Variants in DCDC2C observed in about 807,000 individuals in gnomAD.
The protein encoded by DCDC2C is doublecortin domain containing 2C, also known as doublecortin domain-containing protein 2C.
DCDC2C carries 44 observed loss-of-function variants against 45.0 expected under a neutral mutation model. The ratio of observed to expected loss-of-function variants is 0.98; its 90% CI spans 0.77 to 1.26. DCDC2C has a LOEUF of 1.26. DCDC2C is among the 50% of genes most tolerant of loss of function. DCDC2C has a pLI of 0.00. For synonymous variants in DCDC2C, 187 were observed against 178.8 expected, an observed-to-expected ratio of 1.05 and a Z score of -0.37; for missense variants, 447 against 468.9, an observed-to-expected ratio of 0.95 and a Z score of 0.43.
rs186197807 is a variant in DCDC2C at position 3,817,822 on chromosome 2, A to G, written c.1066-29332A>G. 1.8e-4 allele frequency among the ~76,000 whole-genome samples: 27 copies of G among 152,302 alleles called. No homozygotes were observed. In the East Asian group the frequency reaches 4.8e-3, roughly 27 times the overall value. On this transcript the variant is annotated intron_variant, in intron 10 of 10. Coordinates refer to ENST00000399143, the MANE Select transcript of DCDC2C (RefSeq NM_001287444.2). ...ACAGAAAGGAGTGGCTAAAGGATTT[A>G]GGATCTATGGGGTCAGCTAGGTTTC...
In DCDC2C at chr2:3,810,460, A is replaced by G. The variant is rs1184371965; in HGVS notation, c.1065+25360A>G. Among the ~76,000 whole-genome samples, 3 of 152,290 alleles carry G rather than the reference A, an allele frequency of 2.0e-5. No individual in the cohort carries two copies. In the East Asian group the frequency reaches 5.8e-4, roughly 29 times the overall value. ...TGTTTTTTTCTTGTAAATTTGTTTA[A>G]GTCCTTGTAAATTCTGGATATTAGA... is the stretch of plus-strand genomic sequence containing the variant. On this transcript the variant is annotated intron_variant, in intron 10 of 10. Transcript: ENST00000399143.
In DCDC2C at chr2:3,708,541, T is replaced by C; in HGVS notation, c.288-8T>C. 1 of 1,537,358 alleles carries C rather than the reference T, an allele frequency of 6.5e-7. No homozygotes were observed. The highest frequency in any genetic ancestry group is 8.8e-7 in the Non-Finnish European group (1 of 1,140,026). On this transcript the variant is annotated splice_region_variant and splice_polypyrimidine_tract_variant and intron_variant, in intron 1 of 10. Transcript: ENST00000399143. ...TCTAATGATGTTTTCTTCTTTCTTC[T>C]TTTGCAGTTATATTCATATAGTTCC...
intron 10 of DCDC2C, among the ~76,000 whole-genome samples, chr2:3,825,729 G>C (rs1453285599): frequency 6.6e-6 from 1 of 152,096 alleles, no homozygotes; most frequent in Non-Finnish European, 1.5e-5. Flanking sequence ...GGGATCCTGG[G>C]GGCTTCATAT....
chr2:3,795,466 G>A (rs1354237224), intron 10 of DCDC2C, among the ~76,000 whole-genome samples: 1 of 128,206 alleles, frequency 7.8e-6, no homozygotes, highest in African/African-American at 3.0e-5. Flanking sequence ...GAATGGTAAT[G>A]CCTAGGTTTT....
intron 2 of DCDC2C, among the ~76,000 whole-genome samples, chr2:3,720,041 C>G (rs1039518295): frequency 3.3e-5 from 5 of 152,222 alleles, no homozygotes; most frequent in Admixed American, 2.0e-4. Flanking sequence ...CCATCATCCT[C>G]AAAGCACCTG....
intron 4 of DCDC2C, chr2:3,752,498 C>T (rs568261270): frequency 4.0e-6 from 2 of 503,150 alleles, no homozygotes; most frequent in Admixed American, 5.7e-5. Flanking sequence ...AAGAGTGTAA[C>T]ATGGTTCTCA....
intron 2 of DCDC2C, among the ~76,000 whole-genome samples, chr2:3,716,940 C>A (rs918192660): frequency 1.3e-5 from 2 of 152,158 alleles, no homozygotes; most frequent in Admixed American, 6.5e-5. Context: ...ACCCATCCAT[C>A]AGGTGGTGAA....
chr2:3,786,708 G>A (rs1024826968), intron 10 of DCDC2C, among the ~76,000 whole-genome samples: 1 of 151,950 alleles, frequency 6.6e-6, no homozygotes, highest in African/African-American at 2.4e-5. Flanking sequence ...GGTGTGTCCC[G>A]CCTGTGCACG....
In DCDC2C at chr2:3,734,412, A is replaced by G. The variant is rs753400573; in HGVS notation, c.416+7333A>G. On this transcript the variant is annotated intron_variant, in intron 3 of 10. Transcript: ENST00000399143. This position sits in a 1 kb window ranked among gnomAD's most constrained non-coding sequence, Gnocchi z 4.2. ...GATGAATCTAATCTAGGATGAGACA[A>G]TCATCTGATGTTGGTGACACGGGTG... is the stretch of plus-strand genomic sequence containing the variant. 2.0e-5 allele frequency among the ~76,000 whole-genome samples: 3 copies of G among 152,188 alleles called. No homozygotes were observed. Among genetic ancestry groups the G allele is most frequent in the Non-Finnish European group, 4.4e-5 (3 of 68,034 alleles).
intron 4 of DCDC2C, among the ~76,000 whole-genome samples, chr2:3,747,280 G>C: frequency 6.6e-6 from 1 of 152,134 alleles, no homozygotes. Context: ...CTGCATCGTG[G>C]GCACAAATGT....
At chr2:3,808,375 G>A (rs1056383437) in intron 10 of DCDC2C, among the ~76,000 whole-genome samples, 2 of 151,604 alleles carry the variant, frequency 1.3e-5, no homozygotes, top group Non-Finnish European at 2.9e-5. Context: ...ATTTTGTCAC[G>A]TTTTGAGAGC....
chr2:3,762,687 A>T (rs1284493781), intron 6 of DCDC2C, among the ~76,000 whole-genome samples: 1 of 152,154 alleles, frequency 6.6e-6, no homozygotes, highest in Non-Finnish European at 1.5e-5. Flanking sequence ...GTCCACCCCC[A>T]TGACCCAAAC....
intron 1 of DCDC2C, among the ~76,000 whole-genome samples, chr2:3,706,636 T>C (rs143657593): frequency 5.3e-5 from 8 of 152,326 alleles, no homozygotes; most frequent in African/African-American, 1.9e-4. Context: ...TTAGAGCTTG[T>C]TGCTGAGACA....
At chr2:3,730,237 G>A (rs1008400308) in intron 3 of DCDC2C, among the ~76,000 whole-genome samples, 1 of 152,148 alleles carries the variant, frequency 6.6e-6, no homozygotes, top group Non-Finnish European at 1.5e-5. Flanking sequence ...GATCACTGGA[G>A]CCCAGGAGTT....
intron 10 of DCDC2C, among the ~76,000 whole-genome samples, chr2:3,807,990 T>A (rs1214670671): frequency 6.6e-6 from 1 of 152,222 alleles, no homozygotes; most frequent in Non-Finnish European, 1.5e-5. Flanking sequence ...AACTTTTGAA[T>A]ATTTTAAAAA....
chr2:3,840,084 G>A (rs576944637), intron 10 of DCDC2C, among the ~76,000 whole-genome samples: 2 of 152,308 alleles, frequency 1.3e-5, no homozygotes, highest in East Asian at 1.9e-4. Context: ...TATTATATTC[G>A]TGTGGATTTG....
intron 6 of DCDC2C, among the ~76,000 whole-genome samples, chr2:3,763,414 A>T (rs965043159): frequency 3.9e-5 from 6 of 152,190 alleles, no homozygotes; most frequent in Non-Finnish European, 7.4e-5. Flanking sequence ...AGGCTCCTAG[A>T]ATGGTCATGG....
At position 3,751,957 on chromosome 2, in the gene DCDC2C, G is replaced by A. The variant is rs115120270; in HGVS notation, c.546-806G>A. ...CCCTGTCCTGCACAGTCACAGCTGT[G>A]CCTGCACCTCACCCTCAGTGACTGT... On this transcript the variant is annotated intron_variant, in intron 4 of 10. Transcript: ENST00000399143. 1.1e-3 allele frequency among the ~76,000 whole-genome samples: 166 copies of A among 152,312 alleles called. 1 individual carries two copies. Among genetic ancestry groups the A allele is most frequent in the Middle Eastern group, 6.8e-3 (2 of 294 alleles).
chr2:3,721,882 C>G (rs976042617), intron 2 of DCDC2C, among the ~76,000 whole-genome samples: 1 of 152,224 alleles, frequency 6.6e-6, no homozygotes, highest in African/African-American at 2.4e-5. Context: ...CTTTTGCCTT[C>G]CTCCATGATT....
Sources: gnomAD v4.1 joint callset for allele counts (sites outside exome capture counted in the v4.1 genomes callset) on GRCh38, gnomAD v4.1.1 for gene constraint, Gnocchi (gnomAD v3.1) non-coding constraint, MANE v1.5 for transcripts, NCBI Gene and HGNC (gene_info 2026-07-23, HGNC 2026-07-21) for gene names.